The following MALRD1 variants were observed in gnomAD, a reference collection of about 807,000 sequenced individuals.
MALRD1 encodes the protein MAM and LDL-receptor class A domain-containing protein 1.
MALRD1 carries 247 observed loss-of-function variants against 242.1 expected under a neutral mutation model. The observed-to-expected ratio is 1.02, with a 90% CI of 0.92 to 1.13. MALRD1 has a LOEUF of 1.13. Ranked by LOEUF, MALRD1 falls within the 50% of genes most tolerant of loss-of-function variation. MALRD1 has a pLI of 0.00. For synonymous variants in MALRD1, 995 were observed against 866.6 expected (o/e 1.15, Z -2.60); for missense variants, 2,989 against 2,533.1 (o/e 1.18, Z -3.86).
At chr10:19,327,489 T>G in intron 22 of MALRD1, 74 bp from the exon 23 acceptor site, 1 of 1,169,622 alleles carries the variant, frequency 8.5e-7, no homozygotes, top group Non-Finnish European at 1.2e-6. Context: ...AAAAAATCAC[T>G]GGAAGAATTC....
chr10:19,382,748 G>T (rs918422710), intron 26 of MALRD1, among the ~76,000 whole-genome samples: 2 of 151,988 alleles, frequency 1.3e-5, no homozygotes, highest in Non-Finnish European at 2.9e-5. Flanking sequence ...TCATCAGAAG[G>T]CTCACTGAGT....
intron 38 of MALRD1, among the ~76,000 whole-genome samples, chr10:19,703,205 G>A (rs1024415184): frequency 9.9e-5 from 15 of 152,142 alleles, no homozygotes; most frequent in African/African-American, 3.6e-4. Flanking sequence ...GCCTCAGAAA[G>A]GCCTGAGCCA....
chr10:19,400,405 A>G (rs1411979835), intron 28 of MALRD1, among the ~76,000 whole-genome samples: 2 of 152,144 alleles, frequency 1.3e-5, no homozygotes, highest in African/African-American at 4.8e-5. Context: ...TGGCACTGCT[A>G]TGCTGCATGA....
intron 32 of MALRD1, among the ~76,000 whole-genome samples, chr10:19,549,003 A>C (rs1488193701): frequency 6.6e-6 from 1 of 152,198 alleles, no homozygotes; most frequent in Non-Finnish European, 1.5e-5. Context: ...CAGTGAACAC[A>C]CACATGATAA....
intron 28 of MALRD1, among the ~76,000 whole-genome samples, chr10:19,409,393 T>G (rs953008438): frequency 2.6e-5 from 4 of 152,104 alleles, no homozygotes; most frequent in Non-Finnish European, 5.9e-5. Context: ...ATATCAAGGC[T>G]GCAGTGAGCT....
intron 18 of MALRD1, among the ~76,000 whole-genome samples, chr10:19,246,288 G>C (rs897210758): frequency 6.6e-6 from 1 of 152,058 alleles, no homozygotes; most frequent in African/African-American, 2.4e-5. Context: ...GACACATGTA[G>C]AGTTATATTT....
intron 38 of MALRD1, among the ~76,000 whole-genome samples, chr10:19,718,737 A>G (rs1834541974): frequency 2.0e-5 from 3 of 152,178 alleles, no homozygotes; most frequent in South Asian, 4.1e-4. Context: ...CCATTCTCCT[A>G]TTATTAGACA....
intron 21 of MALRD1, among the ~76,000 whole-genome samples, chr10:19,315,734 TATATA>T (rs1214179943): frequency 2.9e-5 from 4 of 139,108 alleles, no homozygotes; most frequent in African/African-American, 7.9e-5. Context: ...ATTATAATGT[TATATA>T]ATATATATCT....
chr10:19,472,208 G>A (rs1193997394), intron 29 of MALRD1, among the ~76,000 whole-genome samples: 3 of 152,018 alleles, frequency 2.0e-5, no homozygotes, highest in Non-Finnish European at 2.9e-5. Flanking sequence ...CACATTTCTT[G>A]ATTTACCTAC....
intron 29 of MALRD1, among the ~76,000 whole-genome samples, chr10:19,482,012 G>A (rs529207417): frequency 2.0e-5 from 3 of 151,644 alleles, no homozygotes; most frequent in African/African-American, 7.3e-5. Context: ...CATGTTTCTG[G>A]CATGAATAAA....
chr10:19,662,090 A>G (rs935467867), intron 36 of MALRD1, among the ~76,000 whole-genome samples: 1 of 152,186 alleles, frequency 6.6e-6, no homozygotes, highest in African/African-American at 2.4e-5. Flanking sequence ...AGAGTATTTT[A>G]ATATGAAAGA....
chr10:19,069,143 G>A (rs1157534341), intron 2 of MALRD1, among the ~76,000 whole-genome samples: 1 of 151,974 alleles, frequency 6.6e-6, no homozygotes, highest in Non-Finnish European at 1.5e-5. Context: ...TTCACTTTAA[G>A]TCTATCAAAG....
At chr10:19,283,462 T>C (rs984402457) in intron 21 of MALRD1, among the ~76,000 whole-genome samples, 1 of 152,202 alleles carries the variant, frequency 6.6e-6, no homozygotes, top group African/African-American at 2.4e-5. Context: ...ATATTGTTTT[T>C]AAAATGATCT....
chr10:19,204,412 T>G lies in MALRD1; in HGVS notation c.2209T>G (p.Trp737Gly). The G allele has an allele frequency of 6.5e-7, 1 of 1,537,186 alleles. No individual in the cohort carries two copies. The highest frequency in any genetic ancestry group is 1.4e-5 in the African/African-American group (1 of 72,482). The change falls in exon 16 of 40, where the codon TGG becomes GGG. Residue 737 changes from tryptophan to glycine, a missense_variant and splice_region_variant. Trp to Gly is a radical substitution (Grantham distance 184). Transcript: ENST00000454679. ...QTGPGCILSFWFYNYGLSVGA... is the reference protein window; with the variant it reads ...QTGPGCILSFGFYNYGLSVGA... ...AGGACCTGGATGCATACTTTCCTTC[T>G]GGTAAATATTAAACAAATATTTAAA...
At chr10:19,182,006 T>C (rs979613186) in intron 14 of MALRD1, among the ~76,000 whole-genome samples, 1 of 152,064 alleles carries the variant, frequency 6.6e-6, no homozygotes, top group Non-Finnish European at 1.5e-5. Flanking sequence ...AGAAAGTAGG[T>C]AAGTCCTCAG....
intron 14 of MALRD1, among the ~76,000 whole-genome samples, chr10:19,182,089 G>A: frequency 6.6e-6 from 1 of 151,976 alleles, no homozygotes; most frequent in East Asian, 1.9e-4. Flanking sequence ...TTCTTGCTGT[G>A]TAAGAAGAGT....
intron 36 of MALRD1, among the ~76,000 whole-genome samples, chr10:19,686,905 GAC>G (rs1842605450): frequency 6.6e-6 from 1 of 151,606 alleles, no homozygotes; most frequent in Non-Finnish European, 1.5e-5. Context: ...ACACTTACTA[GAC>G]ACACAAAAGA....
At chr10:19,391,558 G>T (rs1054832567) in intron 28 of MALRD1, among the ~76,000 whole-genome samples, 3 of 151,946 alleles carry the variant, frequency 2.0e-5, no homozygotes, top group Admixed American at 2.0e-4. Flanking sequence ...ATACACATTC[G>T]CTCCCTCTGG....
chr10:19,334,119 G>GTTTTTTTTTT (rs56931838), intron 24 of MALRD1, among the ~76,000 whole-genome samples: 8 of 66,790 alleles, frequency 1.2e-4, no homozygotes, highest in Non-Finnish European at 1.9e-4. Flanking sequence ...CTGTTGGTAG[G>GTTTTTTTTTT]TTTTTTTTTT....
Sources: allele counts gnomAD v4.1 joint callset (sites outside exome capture counted in the v4.1 genomes callset), GRCh38; gene constraint gnomAD v4.1.1; transcripts MANE v1.5; gene names NCBI Gene and HGNC (gene_info 2026-07-23, HGNC 2026-07-21).